MPP7: variants seen among roughly 807,000 people sequenced by gnomAD.
MPP7 encodes MAGUK p55 subfamily member 7.
A neutral mutation model predicts 76.5 loss-of-function variants in MPP7; 60 were observed. That is an observed-to-expected ratio of 0.78 (90% CI 0.64 to 0.97). MPP7 has a LOEUF of 0.97. Ranked by LOEUF, MPP7 falls within the 50% of genes least tolerant of loss-of-function variation. The pLI is 0.00. For synonymous variants in MPP7, 237 were observed against 244.5 expected, an observed-to-expected ratio of 0.97 and a Z score of 0.29; for missense variants, 641 against 694.0, an observed-to-expected ratio of 0.92 and a Z score of 0.86.
chr10:28,094,734 T>G (rs1415217173), intron 11 of MPP7, among the ~76,000 whole-genome samples: 1 of 152,208 alleles, frequency 6.6e-6, no homozygotes, highest in Admixed American at 6.5e-5. Context: ...TAAAGCCAGA[T>G]TTAAATATGT....
intron 1 of MPP7, among the ~76,000 whole-genome samples, chr10:28,290,117 C>G (rs1219166287): frequency 6.6e-6 from 1 of 152,114 alleles, no homozygotes; most frequent in Non-Finnish European, 1.5e-5. Context: ...CTGAGCCCAG[C>G]CAAACCATTG....
At chr10:28,123,968 A>C (rs17751915) in intron 8 of MPP7, 63 bp downstream of exon 8, 13,612 of 1,122,988 alleles carry the variant, frequency 0.012, 152 homozygotes, top group Middle Eastern at 0.037. Flanking sequence ...CAAGTCTAAA[A>C]GTCTGAAATA....
intron 11 of MPP7, among the ~76,000 whole-genome samples, chr10:28,093,224 T>C (rs537260200): frequency 6.6e-6 from 1 of 152,202 alleles, no homozygotes; most frequent in Non-Finnish European, 1.5e-5. Flanking sequence ...ATAAATTCCT[T>C]TATAATTATT....
chr10:28,093,891 C>A (rs1303735629), intron 11 of MPP7, among the ~76,000 whole-genome samples: 1 of 152,176 alleles, frequency 6.6e-6, no homozygotes, highest in East Asian at 1.9e-4. Flanking sequence ...GCAAGGCTTG[C>A]TACAGAACAG....
chr10:28,205,551 A>C (rs1290609407), intron 2 of MPP7, among the ~76,000 whole-genome samples: 4 of 152,296 alleles, frequency 2.6e-5, no homozygotes, highest in Middle Eastern at 3.4e-3. Flanking sequence ...GATTCCAGTA[A>C]ACAGTTATGG....
At chr10:28,326,305 C>T (rs1446646877) in intron 2 of MPP7, among the ~76,000 whole-genome samples, 2 of 152,176 alleles carry the variant, frequency 1.3e-5, no homozygotes, top group Admixed American at 6.5e-5. Flanking sequence ...AATAAAAAGA[C>T]CGCTGTTCAT....
At chr10:28,137,492 G>C (rs1268080049) in intron 5 of MPP7, among the ~76,000 whole-genome samples, 2 of 152,280 alleles carry the variant, frequency 1.3e-5, no homozygotes, top group East Asian at 3.9e-4. Flanking sequence ...TTTAAATGAA[G>C]CAATTATGAT....
chr10:28,171,179 T>TA (rs1331792938), intron 3 of MPP7, among the ~76,000 whole-genome samples: 1 of 152,220 alleles, frequency 6.6e-6, no homozygotes, highest in Non-Finnish European at 1.5e-5. Flanking sequence ...CATATCTTCT[T>TA]AAAGTTTATA....
At chr10:28,191,260 C>T (rs1837403112) in intron 3 of MPP7, among the ~76,000 whole-genome samples, 1 of 152,046 alleles carries the variant, frequency 6.6e-6, no homozygotes, top group African/African-American at 2.4e-5. Context: ...AGGAAAATAG[C>T]AAGCAGAGTA....
intron 5 of MPP7, among the ~76,000 whole-genome samples, chr10:28,143,039 G>C (rs995928359): frequency 6.6e-6 from 1 of 152,114 alleles, no homozygotes; most frequent in Non-Finnish European, 1.5e-5. Context: ...AGGTTCGTCT[G>C]TAAGTTAAAA....
intron 1 of MPP7, chr10:28,279,991 T>A (rs1423056533): frequency 6.6e-6 from 1 of 151,986 alleles, no homozygotes; most frequent in East Asian, 1.9e-4. Context: ...CTTAGGAAGG[T>A]CTCTGCCTCC....
At chr10:28,131,017 G>A (rs1303946817) in intron 6 of MPP7, among the ~76,000 whole-genome samples, 1 of 151,788 alleles carries the variant, frequency 6.6e-6, no homozygotes, top group Non-Finnish European at 1.5e-5. Context: ...TCTATATTAA[G>A]CTTTTTTTAT....
At chr10:28,160,056 T>C (rs1395342925) in intron 3 of MPP7, among the ~76,000 whole-genome samples, 1 of 151,740 alleles carries the variant, frequency 6.6e-6, no homozygotes, top group Non-Finnish European at 1.5e-5. Context: ...ATTTTATTCA[T>C]TGGCAACAAT....
chr10:28,114,429 T>TC (rs1403905175), intron 11 of MPP7, among the ~76,000 whole-genome samples: 2 of 151,576 alleles, frequency 1.3e-5, no homozygotes, highest in Non-Finnish European at 2.9e-5. Flanking sequence ...GGAAAACCTT[T>TC]TTTTTTTTTA....
At chr10:28,164,857 T>C (rs889072766) in intron 3 of MPP7, among the ~76,000 whole-genome samples, 5 of 152,122 alleles carry the variant, frequency 3.3e-5, no homozygotes, top group African/African-American at 7.2e-5. Flanking sequence ...ATGGGTAAAA[T>C]GTATGTTGCT....
Position 28,189,365 on chromosome 10 carries a change from C to T in MPP7, c.156+12788G>A, listed in dbSNP as rs188397233. Among the ~76,000 whole-genome samples, 7 of 151,894 alleles carry T rather than the reference C, an allele frequency of 4.6e-5. No individual in the cohort carries two copies. In the East Asian group the frequency reaches 1.4e-3, roughly 29 times the overall value. On this transcript the variant is annotated intron_variant, in intron 3 of 16. Transcript: ENST00000683449. ...ATCACTTGAGCCCAGGAGTTTGAGA[C>T]CAGCCTAAGCAACACAGCAAAACCC...
rs984294879 is a variant in MPP7, at chr10:28,054,062, T to C, written c.*3A>G. The stretch of plus-strand genomic sequence containing the variant: ...AAAAGACAATTATGGAAATTTCTCT[T>C]AGTTATGAATGTAACCAGCTCACTG... On this transcript the variant is annotated 3_prime_UTR_variant, in exon 17 of 17. Transcript: ENST00000683449. 1 of 1,607,316 alleles carries C rather than the reference T, an allele frequency of 6.2e-7. No homozygotes were observed. The highest frequency in any genetic ancestry group is 8.5e-7 in the Non-Finnish European group (1 of 1,176,900).
At chr10:28,092,334 G>A (rs915648982) in intron 11 of MPP7, among the ~76,000 whole-genome samples, 1 of 152,168 alleles carries the variant, frequency 6.6e-6, no homozygotes, top group African/African-American at 2.4e-5. Flanking sequence ...GAGGAGAAGA[G>A]AATAGGACAA....
chr10:28,171,120 G>GTGCCC (rs1345170007), intron 3 of MPP7, among the ~76,000 whole-genome samples: 1 of 152,122 alleles, frequency 6.6e-6, no homozygotes, highest in Non-Finnish European at 1.5e-5. Context: ...GTCGAGTAAT[G>GTGCCC]TGCCCTGTCA....
Sources: gnomAD v4.1 joint callset for allele counts (sites outside exome capture counted in the v4.1 genomes callset) on GRCh38, gnomAD v4.1.1 for gene constraint, MANE v1.5 for transcripts, NCBI Gene and HGNC (gene_info 2026-07-23, HGNC 2026-07-21) for gene names.